Variants in ZC3H14 observed in about 807,000 individuals in gnomAD.
ZC3H14 encodes zinc finger CCCH-type containing 14.
Under a neutral mutation model 92.4 loss-of-function variants are expected in ZC3H14, and 31 were observed. The observed-to-expected ratio is 0.34, with a 90% CI of 0.25 to 0.45. ZC3H14 has a LOEUF of 0.45. Ranked by LOEUF, ZC3H14 falls within the 20% of genes least tolerant of loss-of-function variation. The pLI is 1.00. For synonymous variants in ZC3H14, 321 were observed against 300.9 expected (o/e 1.07, Z -0.69); for missense variants, 781 against 897.3 (o/e 0.87, Z 1.66).
intron 13 of ZC3H14, among the ~76,000 whole-genome samples, chr14:88,607,883 T>TC (rs1229748252): frequency 7.5e-5 from 4 of 53,080 alleles, no homozygotes; most frequent in Non-Finnish European, 6.8e-5. Flanking sequence ...GCAAGTACCA[T>TC]CCCCATCTCA....
rs780855354 is a variant in ZC3H14 at position 88,563,095 on chromosome 14, A to G, written c.-39A>G. ...TCCGCGGCAGCCTCCGGGTAAGCCA[A>G]GCGCCGCGCAGTGCTGAGTTCCCGC... On this transcript the variant is annotated 5_prime_UTR_variant, in exon 1 of 17. Transcript: ENST00000251038. 37 of 1,567,108 alleles carry G rather than the reference A, an allele frequency of 2.4e-5. No homozygotes were observed. The African/African-American group carries it at 4.3e-4, about 18-fold the overall frequency.
intron 10 of ZC3H14, among the ~76,000 whole-genome samples, chr14:88,597,064 C>T (rs2083935402): frequency 6.6e-6 from 1 of 152,198 alleles, no homozygotes; most frequent in Non-Finnish European, 1.5e-5. Context: ...TGTCGGCTGT[C>T]ACTCTCCTGC....
rs760760860 is a variant in ZC3H14 at position 88,615,891 on chromosome 14, T to G, written c.*4140T>G. ...GAAGAAAATTGCAGGGAGTTAATTA[T>G]GTTTTTAGATTTTCATAACAGTTTA... is the stretch of plus-strand genomic sequence containing the variant. On this transcript the variant is annotated 3_prime_UTR_variant, in exon 17 of 17. Coordinates refer to ENST00000251038, the MANE Select transcript of ZC3H14 (RefSeq NM_024824.5). 2.5e-6 allele frequency: 4 copies of G among 1,592,370 alleles called. No individual in the cohort carries two copies. The Admixed American group carries it at 7.1e-5, about 28-fold the overall frequency.
At chr14:88,563,500 G>C in intron 1 of ZC3H14, 151 bp from the exon 2 acceptor site, 1 of 1,506,782 alleles carries the variant, frequency 6.6e-7, no homozygotes, top group Non-Finnish European at 8.9e-7. Flanking sequence ...GGGGTGCGGG[G>C]TGGGGGGCGG....
At chr14:88,602,376 C>G (rs1024029075) in intron 11 of ZC3H14, among the ~76,000 whole-genome samples, 21 of 152,176 alleles carry the variant, frequency 1.4e-4, no homozygotes, top group Admixed American at 1.4e-3. Flanking sequence ...AGCCAGCTGA[C>G]CATAATCAGG....
intron 5 of ZC3H14, 33 bp downstream of exon 5, chr14:88,572,258 A>G: frequency 1.2e-6 from 2 of 1,608,284 alleles, no homozygotes; most frequent in Non-Finnish European, 1.7e-6. Flanking sequence ...CTGGGGGCAG[A>G]TGGCTCTGTG....
chr14:88,568,793 T>TA (rs776375243), intron 3 of ZC3H14, among the ~76,000 whole-genome samples: 5 of 152,222 alleles, frequency 3.3e-5, no homozygotes, highest in Non-Finnish European at 5.9e-5. Context: ...AATGGGCTAA[T>TA]ATGTGTAAAG....
At position 88,572,701 on chromosome 14, in the gene ZC3H14, C is replaced by T. The variant is rs753106435; in HGVS notation, c.555C>T (p.Asp185=). 1 of 1,614,070 alleles carries T rather than the reference C, an allele frequency of 6.2e-7. No homozygotes were observed. Among genetic ancestry groups the T allele is most frequent in the Admixed American group, 1.7e-5 (1 of 60,006 alleles). The change falls in exon 6 of 17, where the codon GAC becomes GAT. Residue 185 remains aspartate, a synonymous_variant. Transcript: ENST00000251038. ...KPEPDDLIDE[D]LNFVQENPLS... ...AACCAGATGATCTCATTGACGAAGA[C>T]CTCAACTTTGTGCAGGAGAATCCCT...
intron 9 of ZC3H14, 120 bp downstream of exon 9, chr14:88,578,260 T>G: frequency 7.2e-7 from 1 of 1,391,486 alleles, no homozygotes; most frequent in Non-Finnish European, 9.9e-7. Context: ...AGCCCAGAAA[T>G]AGAATGAGAA....
At chr14:88,598,045 G>A (rs1045306076) in intron 10 of ZC3H14, among the ~76,000 whole-genome samples, 3 of 151,966 alleles carry the variant, frequency 2.0e-5, no homozygotes, top group African/African-American at 7.3e-5. Flanking sequence ...GGTCTGAAAG[G>A]TGGTTTTGAC....
intron 1 of ZC3H14, 123 bp downstream of exon 1, chr14:88,563,292 G>T (rs1051183199): frequency 6.5e-7 from 1 of 1,531,616 alleles, no homozygotes. Flanking sequence ...CGCTCCTGGC[G>T]GGCTGCGGCT....
At chr14:88,580,751 C>T (rs1215404319) in intron 9 of ZC3H14, among the ~76,000 whole-genome samples, 1 of 151,822 alleles carries the variant, frequency 6.6e-6, no homozygotes, top group Non-Finnish European at 1.5e-5. Flanking sequence ...GAATATTTAC[C>T]CAGAACCATA....
At chr14:88,598,575 A>G (rs1308541256) in intron 10 of ZC3H14, among the ~76,000 whole-genome samples, 1 of 152,128 alleles carries the variant, frequency 6.6e-6, no homozygotes, top group African/African-American at 2.4e-5. Flanking sequence ...TCCAAGGGAG[A>G]ATGCATGCAG....
Position 88,616,126 on chromosome 14 carries a change from TGAGA to T in ZC3H14, c.*4376_*4379del, listed in dbSNP as rs1450481504. On this transcript the variant is annotated 3_prime_UTR_variant, in exon 17 of 17. Coordinates refer to ENST00000251038, the MANE Select transcript of ZC3H14 (RefSeq NM_024824.5). ...GTAACATAGTCTGCTCTTCATGGGC[TGAGA>T]AAGTTACTAACCTGCAGTCATCACC... 1.9e-6 allele frequency: 3 copies of T among 1,612,046 alleles called. No individual in the cohort carries two copies. Among genetic ancestry groups the T allele is most frequent in the Non-Finnish European group, 2.5e-6 (3 of 1,178,116 alleles).
chr14:88,592,379 A>G (rs1477201677), intron 9 of ZC3H14: 1 of 152,114 alleles, frequency 6.6e-6, no homozygotes, highest in African/African-American at 2.4e-5. Context: ...CATAAAGTGG[A>G]GAAATGAATA....
At chr14:88,563,929 G>A (rs1465337730) in intron 2 of ZC3H14, among the ~76,000 whole-genome samples, 6 of 151,932 alleles carry the variant, frequency 3.9e-5, no homozygotes, top group African/African-American at 2.4e-5. Flanking sequence ...TTAAGGCTCT[G>A]TTTGACCGAA....
Position 88,566,030 on chromosome 14 carries a change from C to CGT in ZC3H14, c.80-2009_80-2008insGT, listed in dbSNP as rs549742902. Among the ~76,000 whole-genome samples the CGT allele has an allele frequency of 9.5e-5, 2 of 20,996 alleles. 1 individual carries two copies. The highest frequency in any genetic ancestry group is 5.1e-4 in the Non-Finnish European group (2 of 3,936). 13.8% of individuals were successfully genotyped at this position (20,996 alleles called of 152,430 possible). On this transcript the variant is annotated intron_variant, in intron 2 of 16. Transcript: ENST00000251038. Reference sequence around the variant, plus strand: ...TTACAGGCACCTGCCACCACCCCGCCCCCCCCCCCCGGCTAATTTTTGTGT... The same window carrying CGT: ...TTACAGGCACCTGCCACCACCCCGCCGTCCCCCCCCCCGGCTAATTTTTGTGT...
Position 88,621,389 on chromosome 14 carries a change from T to C in ZC3H14, c.*9638T>C. 6.5e-7 allele frequency: 1 copy of C among 1,529,078 alleles called. No homozygotes were observed. Among genetic ancestry groups the C allele is most frequent in the Middle Eastern group, 1.7e-4 (1 of 5,858 alleles). 94.7% of individuals were successfully genotyped at this position (1,529,078 alleles called of 1,614,324 possible). A position where few individuals can be genotyped will look rare whatever the true frequency, so the allele number is the denominator to read the frequency against. ...TATAAAAATGACCCTATTGACCTGCTTTCAGAGAACTTTTTGCTTTGAGCT... is the reference window on the plus strand; with the variant it reads ...TATAAAAATGACCCTATTGACCTGCCTTCAGAGAACTTTTTGCTTTGAGCT... On this transcript the variant is annotated 3_prime_UTR_variant, in exon 17 of 17. Transcript: ENST00000251038.
Position 88,625,241 on chromosome 14 carries a change from C to T in ZC3H14, c.*13490C>T, listed in dbSNP as rs1183527059. The T allele has an allele frequency of 4.8e-6, 6 of 1,244,858 alleles. No homozygotes were observed. Among genetic ancestry groups the T allele is most frequent in the African/African-American group, 4.5e-5 (3 of 66,140 alleles). The allele number at this position is 1,244,858 out of a possible 1,614,324, so 77.1% of individuals were successfully genotyped here. A position where few individuals can be genotyped will look rare whatever the true frequency, so the allele number is the denominator to read the frequency against. On this transcript the variant is annotated 3_prime_UTR_variant, in exon 17 of 17. Transcript: ENST00000251038. ...TCTCACCCTTGATACAAAGAGCATG[C>T]ATCGTGTAGTGGCAGCAGCACTGAA...
Sources: gnomAD v4.1 joint callset for allele counts (sites outside exome capture counted in the v4.1 genomes callset) on GRCh38, gnomAD v4.1.1 for gene constraint, MANE v1.5 for transcripts, NCBI Gene and HGNC (gene_info 2026-07-23, HGNC 2026-07-21) for gene names.